The following FANCM variants were observed in gnomAD, a reference collection of about 807,000 sequenced individuals.
FANCM encodes the protein Fanconi anemia group M protein.
A neutral mutation model predicts 199.5 loss-of-function variants in FANCM; 140 were observed. The ratio of observed to expected loss-of-function variants is 0.70; its 90% confidence interval spans 0.61 to 0.81. The LOEUF is 0.81. Among genes scored for constraint, FANCM ranks in the 30% least tolerant of loss-of-function variants. FANCM has a pLI of 0.00. For synonymous variants in FANCM, 840 were observed against 836.8 expected (o/e 1.00, Z -0.07); for missense variants, 2,410 against 2,421.4 (o/e 1.00, Z 0.10).
Position 45,181,426 on chromosome 14 carries a change from A to C in FANCM, c.4223-4A>C. ...CATTCATTATTTTAAAAAATAAATT[A>C]TAGATGGACAATTATTAACAAGTAA... is the stretch of plus-strand genomic sequence containing the variant. On this transcript the variant is annotated splice_polypyrimidine_tract_variant and splice_region_variant and intron_variant, in intron 14 of 22. Transcript: ENST00000267430. 1 of 1,508,802 alleles carries C rather than the reference A, an allele frequency of 6.6e-7. No homozygotes were observed. The highest frequency in any genetic ancestry group is 9.2e-7 in the Non-Finnish European group (1 of 1,086,300). 93.5% of individuals were successfully genotyped at this position (1,508,802 alleles called of 1,614,324 possible).
chr14:45,153,381 G>A (rs1278811784), intron 5 of FANCM, among the ~76,000 whole-genome samples: 1 of 152,120 alleles, frequency 6.6e-6, no homozygotes, highest in African/African-American at 2.4e-5. Context: ...TAGTTTCTGG[G>A]GCTCAGTGTC....
rs1211606469 is a variant in FANCM at position 45,148,823 on chromosome 14, T to C, written c.760-14T>C. On this transcript the variant is annotated splice_polypyrimidine_tract_variant and intron_variant, in intron 3 of 22. Coordinates refer to ENST00000267430, the MANE Select transcript of FANCM (RefSeq NM_020937.4). ...ACATGTAGTTTATAATCATACTTAA[T>C]TGATTTCATATAGGCTGTGCAACAA... is the stretch of plus-strand genomic sequence containing the variant. The C allele has an allele frequency of 3.8e-6, 6 of 1,584,620 alleles. No homozygotes were observed. The highest frequency in any genetic ancestry group is 4.5e-5 in the East Asian group (2 of 44,638).
At chr14:45,139,683 T>C (rs1885770321) in intron 2 of FANCM, among the ~76,000 whole-genome samples, 1 of 152,184 alleles carries the variant, frequency 6.6e-6, no homozygotes, top group Non-Finnish European at 1.5e-5. Context: ...ATACACTTAA[T>C]TTATATATTG....
intron 8 of FANCM, among the ~76,000 whole-genome samples, chr14:45,157,154 A>G (rs1287186608): frequency 6.6e-6 from 1 of 152,178 alleles, no homozygotes; most frequent in Non-Finnish European, 1.5e-5. Context: ...ATTAAAAAAA[A>G]GAATAACAAA....
chr14:45,151,290 A>G, intron 4 of FANCM, 107 bp from the exon 5 acceptor site: 1 of 921,856 alleles, frequency 1.1e-6, no homozygotes, highest in Non-Finnish European at 1.7e-6. Flanking sequence ...TCATTGTAAG[A>G]CAAACTTTAT....
chr14:45,142,612 T>C (rs1170550248), intron 3 of FANCM, among the ~76,000 whole-genome samples: 1 of 151,990 alleles, frequency 6.6e-6, no homozygotes, highest in Non-Finnish European at 1.5e-5. Context: ...GGCCGCTTCC[T>C]CTTTTTTCTT....
At position 45,175,755 on chromosome 14, in the gene FANCM, C is replaced by G. The variant is rs760935001; in HGVS notation, c.3001C>G (p.Leu1001Val). The stretch of plus-strand genomic sequence containing the variant: ...ATTTTTATCTTATTCTCCTCCGCCT[C>G]TCAGTGGACTCTCAGACTTGGAATA... ...ERFLSYSPPP[L>V]SGLSDLEYEI... Residue 1001 changes from leucine (L) to valine (V), a missense_variant, in exon 14 of 23, where the codon CTC becomes GTC. Transcript: ENST00000267430. 2 of 1,613,734 alleles carry G rather than the reference C, an allele frequency of 1.2e-6. No individual in the cohort carries two copies. The highest frequency in any genetic ancestry group is 2.2e-5 in the South Asian group (2 of 91,076).
At position 45,162,080 on chromosome 14, in the gene FANCM, T is replaced by C. The variant is rs1229333673; in HGVS notation, c.1582-2279T>C. ...AGCAACTGAAGGAGCTGGTATTAACTAAGATGGATAAGACTGCAGGAAAGG... is the reference window on the plus strand; with the variant it reads ...AGCAACTGAAGGAGCTGGTATTAACCAAGATGGATAAGACTGCAGGAAAGG... On this transcript the variant is annotated intron_variant, in intron 9 of 22. Coordinates refer to ENST00000267430, the MANE Select transcript of FANCM (RefSeq NM_020937.4). Among the ~76,000 whole-genome samples the C allele has an allele frequency of 4.6e-5, 7 of 152,142 alleles. No homozygotes were observed. The East Asian group carries it at 1.2e-3, about 25-fold the overall frequency.
chr14:45,169,785 T>A (rs1888223172), intron 11 of FANCM, among the ~76,000 whole-genome samples: 1 of 152,164 alleles, frequency 6.6e-6, no homozygotes, highest in Non-Finnish European at 1.5e-5. Flanking sequence ...GCCTTTTCAG[T>A]TTGGTGATTC....
At chr14:45,140,078 A>G (rs1300888893) in intron 2 of FANCM, among the ~76,000 whole-genome samples, 2 of 152,226 alleles carry the variant, frequency 1.3e-5, no homozygotes, top group Non-Finnish European at 1.5e-5. Context: ...TCGTATTGCT[A>G]TTTAAAATTC....
intron 3 of FANCM, among the ~76,000 whole-genome samples, chr14:45,142,021 G>A (rs1345977194): frequency 6.6e-6 from 1 of 151,994 alleles, no homozygotes; most frequent in Non-Finnish European, 1.5e-5. Context: ...GTTTTTTAAA[G>A]TTTTGTTTGG....
Position 45,164,672 on chromosome 14 carries a change from G to C in FANCM, c.1788+107G>C, listed in dbSNP as rs924665612. On this transcript the variant is annotated intron_variant, in intron 10 of 22. Coordinates refer to ENST00000267430, the MANE Select transcript of FANCM (RefSeq NM_020937.4). ...TCCAAGTCCAAACACTCTGTAGATA[G>C]TTTTGGTTTATTTTCCCCCACTTTG... 1.3e-5 allele frequency: 12 copies of C among 907,508 alleles called. No individual in the cohort carries two copies. In the African/African-American group the frequency reaches 2.0e-4, roughly 15 times the overall value. The allele number at this position is 907,508 out of a possible 1,614,324, so 56.2% of individuals were successfully genotyped here.
At position 45,185,215 on chromosome 14, in the gene FANCM, AG is replaced by A; in HGVS notation, c.4516-1del. 1 of 1,562,572 alleles carries A rather than the reference AG, an allele frequency of 6.4e-7. No homozygotes were observed. Among genetic ancestry groups the A allele is most frequent in the Non-Finnish European group, 8.8e-7 (1 of 1,139,080 alleles). On this transcript the variant is annotated splice_acceptor_variant, in intron 17 of 22. Coordinates refer to ENST00000267430, the MANE Select transcript of FANCM (RefSeq NM_020937.4). LOFTEE classifies it high-confidence loss of function. Reference sequence around the variant, plus strand: ...TCATGTTTTCTAATTTGTCTTACTTAGCATGTAGCTAGGAAGTTTTTAGATG... The same window carrying A: ...TCATGTTTTCTAATTTGTCTTACTTACATGTAGCTAGGAAGTTTTTAGATG...
At chr14:45,142,746 C>A (rs1191947397) in intron 3 of FANCM, among the ~76,000 whole-genome samples, 5 of 152,050 alleles carry the variant, frequency 3.3e-5, no homozygotes, top group Admixed American at 2.0e-4. Flanking sequence ...TAACAATAAT[C>A]CAGAAGTGAT....
At chr14:45,157,668 G>T (rs537209307) in intron 8 of FANCM, among the ~76,000 whole-genome samples, 48 of 152,238 alleles carry the variant, frequency 3.2e-4, no homozygotes, top group African/African-American at 1.2e-3. Flanking sequence ...TTCAGGAGCT[G>T]GTCACATACA....
chr14:45,188,717 C>A, intron 19 of FANCM, 85 bp from the exon 20 acceptor site: 1 of 975,188 alleles, frequency 1.0e-6, no homozygotes, highest in Non-Finnish European at 1.6e-6. Flanking sequence ...AATATTAATG[C>A]AGATTTCATG....
Position 45,176,227 on chromosome 14 carries a change from CTT to C in FANCM, c.3475_3476del (p.Leu1159ThrfsTer9), listed in dbSNP as rs2139248770. 3 of 1,614,038 alleles carry C rather than the reference CTT, an allele frequency of 1.9e-6. No individual in the cohort carries two copies. Among genetic ancestry groups the C allele is most frequent in the Non-Finnish European group, 2.5e-6 (3 of 1,179,930 alleles). Reference sequence around the variant, plus strand: ...TCACCCTTGAACAGTAAAAGCGAATCTTTACCTGTGTCAGACAAAACTGCTAT... The same window carrying C: ...TCACCCTTGAACAGTAAAAGCGAATCTACCTGTGTCAGACAAAACTGCTAT... On this transcript the variant is annotated frameshift_variant, in exon 14 of 23. Transcript: ENST00000267430. LOFTEE classifies it high-confidence loss of function.
At chr14:45,144,042 T>A (rs936831823) in intron 3 of FANCM, among the ~76,000 whole-genome samples, 1 of 152,102 alleles carries the variant, frequency 6.6e-6, no homozygotes, top group African/African-American at 2.4e-5. Context: ...TAAAACTTTT[T>A]TTTTTTATTT....
chr14:45,180,392 A>T (rs1888988886), intron 14 of FANCM, among the ~76,000 whole-genome samples: 1 of 151,142 alleles, frequency 6.6e-6, no homozygotes, highest in South Asian at 2.1e-4. Context: ...GTTTCTTGCC[A>T]TGTGGACCTC....
Sources: allele counts gnomAD v4.1 joint callset (sites outside exome capture counted in the v4.1 genomes callset), GRCh38; gene constraint gnomAD v4.1.1; transcripts MANE v1.5; gene names NCBI Gene and HGNC (gene_info 2026-07-23, HGNC 2026-07-21).